Variants in GKAP1 observed in about 807,000 individuals in gnomAD.
GKAP1 encodes G kinase anchoring protein 1.
GKAP1 carries 31 observed loss-of-function variants against 56.7 expected under a neutral mutation model. The ratio of observed to expected loss-of-function variants is 0.55; its 90% CI spans 0.41 to 0.74. GKAP1 has a LOEUF of 0.74. Ranked by LOEUF, GKAP1 falls within the 30% of genes least tolerant of loss-of-function variation. The pLI is 0.00. For synonymous variants in GKAP1, 151 were observed against 138.6 expected (o/e 1.09, Z -0.63); for missense variants, 364 against 402.3 (o/e 0.90, Z 0.82).
intron 3 of GKAP1, among the ~76,000 whole-genome samples, chr9:83,803,726 G>A (rs6559746): frequency 0.42 from 61,501 of 145,610 alleles, 13,387 homozygotes; most frequent in African/African-American, 0.54. Flanking sequence ...CGTCTGGGAC[G>A]TGAGGAGCCC....
intron 6 of GKAP1, among the ~76,000 whole-genome samples, chr9:83,783,069 G>A (rs1175550599): frequency 6.6e-6 from 1 of 152,142 alleles, no homozygotes; most frequent in African/African-American, 2.4e-5. Context: ...GATCCTCAAA[G>A]GAAAACAATA....
At chr9:83,808,801 C>G (rs950262952) in intron 2 of GKAP1, among the ~76,000 whole-genome samples, 1 of 152,208 alleles carries the variant, frequency 6.6e-6, no homozygotes, top group African/African-American at 2.4e-5. Context: ...CTGTTGAAGG[C>G]AGGCATAACC....
rs757928443 is a variant in GKAP1 at position 83,788,682 on chromosome 9, CAA to C, written c.361-6_361-5del. On this transcript the variant is annotated splice_region_variant and splice_polypyrimidine_tract_variant and intron_variant, in intron 4 of 12. Coordinates refer to ENST00000376371, the MANE Select transcript of GKAP1 (RefSeq NM_025211.4). Reference sequence around the variant, plus strand: ...CTTCAAACATTTCAGATGTCAGCTACAAAAAAAAAGTTTCACAATAAACAGAC... The same window carrying C: ...CTTCAAACATTTCAGATGTCAGCTACAAAAAAAGTTTCACAATAAACAGAC... The C allele has an allele frequency of 8.3e-5, 131 of 1,575,526 alleles. 1 individual carries two copies. The East Asian group carries it at 1.6e-3, about 20-fold the overall frequency.
At chr9:83,786,820 T>A (rs564358232) in intron 5 of GKAP1, among the ~76,000 whole-genome samples, 16 of 152,176 alleles carry the variant, frequency 1.1e-4, no homozygotes, top group African/African-American at 3.9e-4. Flanking sequence ...TGGCTGGGAG[T>A]ACGACATTTT....
rs981259833 is a variant in GKAP1 at position 83,800,289 on chromosome 9, G to C, written c.217-961C>G. On this transcript the variant is annotated intron_variant, in intron 3 of 12. Coordinates refer to ENST00000376371, the MANE Select transcript of GKAP1 (RefSeq NM_025211.4). The stretch of plus-strand genomic sequence containing the variant: ...AGTTAGCCCTGTTCTGCAAGGAGCA[G>C]TTTAAAAAAAAAAAAAGTTTAGCCT... Among the ~76,000 whole-genome samples, 8 of 142,234 alleles carry C rather than the reference G, an allele frequency of 5.6e-5. 1 individual carries two copies. The highest frequency in any genetic ancestry group is 1.2e-4 in the Non-Finnish European group (8 of 65,668). The allele number at this position is 142,234 out of a possible 152,430, so 93.3% of individuals were successfully genotyped here.
chr9:83,775,126 C>T (rs1430624234), intron 7 of GKAP1, among the ~76,000 whole-genome samples: 5 of 151,950 alleles, frequency 3.3e-5, no homozygotes, highest in Non-Finnish European at 5.9e-5. Context: ...GCCTCAGCAT[C>T]CAGAGTAGCT....
At chr9:83,813,436 C>T (rs976855539) in intron 2 of GKAP1, among the ~76,000 whole-genome samples, 2 of 152,146 alleles carry the variant, frequency 1.3e-5, no homozygotes, top group Non-Finnish European at 1.5e-5. Flanking sequence ...TTTTTCCCCT[C>T]CTCCCTTTGA....
At chr9:83,783,817 T>G (rs1333805415) in intron 6 of GKAP1, among the ~76,000 whole-genome samples, 1 of 152,236 alleles carries the variant, frequency 6.6e-6, no homozygotes, top group East Asian at 1.9e-4. Flanking sequence ...TTATTTTCAG[T>G]AAGTTTTAGG....
Position 83,817,743 on chromosome 9 carries a change from G to A in GKAP1, c.-402C>T, listed in dbSNP as rs1434382199. 6.6e-6 allele frequency: 1 copy of A among 152,274 alleles called. No homozygotes were observed. Among genetic ancestry groups the A allele is most frequent in the African/African-American group, 2.4e-5 (1 of 41,246 alleles). 9.4% of individuals were successfully genotyped at this position (152,274 alleles called of 1,614,324 possible). On this transcript the variant is annotated 5_prime_UTR_variant, in exon 1 of 13. Coordinates refer to ENST00000376371, the MANE Select transcript of GKAP1 (RefSeq NM_025211.4). The stretch of plus-strand genomic sequence containing the variant: ...GACCGCGGAGGTGAGCGCGGCTGCA[G>A]GCTGCGGTGAGGGGCGGGGAGAGCG...
intron 3 of GKAP1, among the ~76,000 whole-genome samples, chr9:83,804,972 C>T (rs1944413554): frequency 6.6e-6 from 1 of 152,180 alleles, no homozygotes; most frequent in African/African-American, 2.4e-5. Context: ...GAGGTGTACC[C>T]AACAGCTCAT....
At chr9:83,804,711 G>A (rs1182942084) in intron 3 of GKAP1, among the ~76,000 whole-genome samples, 16 of 149,090 alleles carry the variant, frequency 1.1e-4, no homozygotes, top group African/African-American at 2.5e-4. Context: ...CGCCCCGTAC[G>A]GGAGGGAGGT....
At chr9:83,799,043 CTCT>C (rs1232644129) in intron 4 of GKAP1, 139 bp downstream of exon 4, 11 of 689,334 alleles carry the variant, frequency 1.6e-5, no homozygotes, top group Admixed American at 1.4e-4. Flanking sequence ...AAAACAGAAC[CTCT>C]TATTAAAAGC....
Position 83,817,695 on chromosome 9 carries a change from A to ACGGGTCC in GKAP1, c.-361_-355dup, listed in dbSNP as rs1944646120. The ACGGGTCC allele has an allele frequency of 6.7e-6, 1 of 149,874 alleles. No homozygotes were observed. The highest frequency in any genetic ancestry group is 1.5e-5 in the Non-Finnish European group (1 of 67,622). The allele number at this position is 149,874 out of a possible 1,614,324, so 9.3% of individuals were successfully genotyped here. A position where few individuals can be genotyped will look rare whatever the true frequency, so the allele number is the denominator to read the frequency against. ...CGGTCGGCCCACAGGCTGGGCACTA[A>ACGGGTCC]CGGGTCCCGGGGCGCCGGGGCGGAC... is the stretch of plus-strand genomic sequence containing the variant. On this transcript the variant is annotated 5_prime_UTR_variant, in exon 1 of 13. Transcript: ENST00000376371.
At chr9:83,784,138 A>G (rs1261309462) in intron 6 of GKAP1, among the ~76,000 whole-genome samples, 2 of 151,788 alleles carry the variant, frequency 1.3e-5, no homozygotes, top group East Asian at 3.9e-4. Context: ...ATGGTGGCAT[A>G]GGCCTGTAGT....
chr9:83,792,601 T>C (rs1028008655), intron 4 of GKAP1, among the ~76,000 whole-genome samples: 1 of 152,142 alleles, frequency 6.6e-6, no homozygotes, highest in Non-Finnish European at 1.5e-5. Context: ...GGGAGAATGG[T>C]AGCACAAGAC....
At chr9:83,803,431 T>C (rs1383768187) in intron 3 of GKAP1, among the ~76,000 whole-genome samples, 2 of 152,208 alleles carry the variant, frequency 1.3e-5, no homozygotes, top group Non-Finnish European at 2.9e-5. Context: ...TTTCGTACTT[T>C]TTTGGTGGAG....
At chr9:83,774,701 CCTTTT>C (rs1943824310) in intron 7 of GKAP1, among the ~76,000 whole-genome samples, 2 of 100,942 alleles carry the variant, frequency 2.0e-5, no homozygotes, top group South Asian at 3.2e-4. Context: ...ACAGAAACCC[CCTTTT>C]TTTTTTTTTT....
intron 4 of GKAP1, among the ~76,000 whole-genome samples, chr9:83,792,418 G>A (rs1944175621): frequency 6.6e-6 from 1 of 152,170 alleles, no homozygotes; most frequent in South Asian, 2.1e-4. Flanking sequence ...TTAGAAGAAT[G>A]AGAACCTAGA....
chr9:83,779,833 T>G (rs72749106), intron 7 of GKAP1, among the ~76,000 whole-genome samples: 1 of 151,792 alleles, frequency 6.6e-6, no homozygotes, highest in Non-Finnish European at 1.5e-5. Flanking sequence ...ACTAAAAGAT[T>G]TGGAGAGGCT....
Sources: allele counts gnomAD v4.1 joint callset (sites outside exome capture counted in the v4.1 genomes callset), GRCh38; gene constraint gnomAD v4.1.1; transcripts MANE v1.5; gene names NCBI Gene and HGNC (gene_info 2026-07-23, HGNC 2026-07-21).